Variants in GALNTL6 observed in about 807,000 individuals in gnomAD.
GALNTL6 encodes the protein polypeptide N-acetylgalactosaminyltransferase like 6, also known as polypeptide N-acetylgalactosaminyltransferase-like 6.
A neutral mutation model predicts 73.7 loss-of-function variants in GALNTL6; 46 were observed. That is an observed-to-expected ratio of 0.62 (90% CI 0.49 to 0.80). GALNTL6 has a LOEUF of 0.80. GALNTL6 is among the 30% of genes least tolerant of loss of function. The probability of loss-of-function intolerance (pLI) is 0.00; values close to 1 mark genes in which losing one functional copy is unlikely to be tolerated. For synonymous variants in GALNTL6, 259 were observed against 263.7 expected (o/e 0.98, Z 0.17); for missense variants, 604 against 755.0 (o/e 0.80, Z 2.34).
intron 2 of GALNTL6, among the ~76,000 whole-genome samples, chr4:172,107,122 C>T (rs1486541338): frequency 6.6e-6 from 1 of 152,190 alleles, no homozygotes; most frequent in Admixed American, 6.5e-5. Context: ...ATCTGCCCGC[C>T]TCGGCCTCCC....
intron 5 of GALNTL6, among the ~76,000 whole-genome samples, chr4:172,751,207 C>T (rs1305979711): frequency 6.6e-6 from 1 of 152,128 alleles, no homozygotes; most frequent in Admixed American, 6.5e-5. Context: ...AGTGAGAAAA[C>T]ATTACTAACA....
chr4:172,025,987 C>T (rs1741560762), intron 2 of GALNTL6, among the ~76,000 whole-genome samples: 1 of 151,852 alleles, frequency 6.6e-6, no homozygotes, highest in Non-Finnish European at 1.5e-5. Context: ...CAGAGTCAAA[C>T]AGAATGAGTG....
chr4:172,794,471 T>C (rs1193914593), intron 5 of GALNTL6, among the ~76,000 whole-genome samples: 1 of 152,194 alleles, frequency 6.6e-6, no homozygotes, highest in East Asian at 1.9e-4. Flanking sequence ...GGAAGAGTGC[T>C]GTTAACAGCC....
intron 2 of GALNTL6, among the ~76,000 whole-genome samples, chr4:171,994,717 T>C (rs1284526074): frequency 7.1e-6 from 1 of 141,182 alleles, no homozygotes; most frequent in Non-Finnish European, 1.6e-5. Context: ...GCTATTGCAA[T>C]ACAAAATATG....
intron 2 of GALNTL6, among the ~76,000 whole-genome samples, chr4:172,176,525 C>G (rs1308772765): frequency 6.6e-6 from 1 of 151,778 alleles, no homozygotes; most frequent in Non-Finnish European, 1.5e-5. Context: ...CATGATGCTT[C>G]CTGCCTCTAA....
intron 4 of GALNTL6, among the ~76,000 whole-genome samples, chr4:172,334,571 A>AT (rs1201846874): frequency 6.6e-6 from 1 of 151,946 alleles, no homozygotes; most frequent in Non-Finnish European, 1.5e-5. Context: ...TTTTACATTA[A>AT]TTTTTTATCC....
chr4:172,239,891 A>G (rs1178677811), intron 3 of GALNTL6, among the ~76,000 whole-genome samples: 1 of 152,078 alleles, frequency 6.6e-6, no homozygotes, highest in Non-Finnish European at 1.5e-5. Flanking sequence ...CAGGCGACCA[A>G]TCTCTTCTGT....
At chr4:171,926,671 C>T (rs954060361) in intron 2 of GALNTL6, among the ~76,000 whole-genome samples, 1 of 152,020 alleles carries the variant, frequency 6.6e-6, no homozygotes, top group African/African-American at 2.4e-5. Context: ...TGCAGGATAT[C>T]ATTTTCTTCA....
chr4:171,817,757 T>C (rs1372212503), intron 2 of GALNTL6, among the ~76,000 whole-genome samples: 2 of 151,604 alleles, frequency 1.3e-5, no homozygotes, highest in East Asian at 3.9e-4. Flanking sequence ...TTTCCTTTAC[T>C]CTCAGAAAAC....
At chr4:172,816,481 T>C (rs74534730) in intron 7 of GALNTL6, among the ~76,000 whole-genome samples, 1 of 152,252 alleles carries the variant, frequency 6.6e-6, no homozygotes, top group African/African-American at 2.4e-5. Context: ...GTTATACTAA[T>C]GGGTAGGTAT....
At chr4:172,932,438 C>T (rs1339331446) in intron 9 of GALNTL6, among the ~76,000 whole-genome samples, 1 of 152,052 alleles carries the variant, frequency 6.6e-6, no homozygotes, top group East Asian at 1.9e-4. Context: ...GTTGTTCTTC[C>T]TTTTTCCCTT....
At chr4:172,841,674 A>G (rs565311119) in intron 7 of GALNTL6, among the ~76,000 whole-genome samples, 1 of 152,306 alleles carries the variant, frequency 6.6e-6, no homozygotes, top group African/African-American at 2.4e-5. Context: ...TACCATTTAT[A>G]AAACCGTTAG....
intron 5 of GALNTL6, among the ~76,000 whole-genome samples, chr4:172,543,798 C>A (rs1418332512): frequency 1.3e-5 from 2 of 152,126 alleles, no homozygotes; most frequent in Non-Finnish European, 2.9e-5. Context: ...ACCTCTTTGC[C>A]TTTCTGTTAA....
intron 5 of GALNTL6, among the ~76,000 whole-genome samples, chr4:172,533,081 G>A (rs1000241815): frequency 4.7e-5 from 7 of 147,810 alleles, no homozygotes; most frequent in Non-Finnish European, 7.4e-5. Context: ...GTATGATCTC[G>A]GCTTACCACA....
intron 2 of GALNTL6, among the ~76,000 whole-genome samples, chr4:171,958,183 AC>A (rs1393939246): frequency 1.3e-5 from 2 of 152,284 alleles, no homozygotes; most frequent in East Asian, 3.9e-4. Context: ...ATTGAACTTC[AC>A]TAAAATCTCT....
chr4:172,567,041 G>A (rs1050597972), intron 5 of GALNTL6, among the ~76,000 whole-genome samples: 20 of 149,264 alleles, frequency 1.3e-4, no homozygotes, highest in Non-Finnish European at 2.7e-4. Flanking sequence ...AAAAAAAAAA[G>A]AATTCTGTTG....
chr4:172,288,723 T>TTTA (rs1176180333), intron 3 of GALNTL6, among the ~76,000 whole-genome samples: 2 of 152,152 alleles, frequency 1.3e-5, no homozygotes, highest in Admixed American at 6.5e-5. Context: ...TTTCACTTGA[T>TTTA]TTATTAATAC....
At chr4:172,180,314 T>G (rs11943467) in intron 2 of GALNTL6, among the ~76,000 whole-genome samples, 66,467 of 152,032 alleles carry the variant, frequency 0.44, 16,912 homozygotes, top group East Asian at 0.8. Flanking sequence ...TCTTGTAAAT[T>G]TGTTTAAGTT....
At chr4:172,793,967 T>G (rs72998173) in intron 5 of GALNTL6, among the ~76,000 whole-genome samples, 11,407 of 152,212 alleles carry the variant, frequency 0.075, 903 homozygotes, top group African/African-American at 0.18. Context: ...CACCATTTAT[T>G]TATTGCTTGG....
Sources: gnomAD v4.1 joint callset for allele counts (sites outside exome capture counted in the v4.1 genomes callset) on GRCh38, gnomAD v4.1.1 for gene constraint, MANE v1.5 for transcripts, NCBI Gene and HGNC (gene_info 2026-07-23, HGNC 2026-07-21) for gene names.